The following ALK variants were observed in gnomAD, a reference collection of about 807,000 sequenced individuals.
The protein encoded by ALK is ALK tyrosine kinase receptor.
ALK carries 74 observed loss-of-function variants against 163.1 expected under a neutral mutation model. That is an observed-to-expected ratio of 0.45 (90% CI 0.38 to 0.55). The LOEUF (loss-of-function observed/expected upper bound fraction) is 0.55, where lower values mean the gene tolerates loss of function less well. Among genes scored for constraint, ALK ranks in the 20% least tolerant of loss-of-function variants. ALK has a pLI of 0.00. For synonymous variants in ALK, 960 were observed against 843.2 expected (o/e 1.14, Z -2.40); for missense variants, 2,063 against 2,105.3 (o/e 0.98, Z 0.39).
rs182150296 is a variant in ALK at position 29,277,050 on chromosome 2, A to G, written c.1818-1554T>C. Among the ~76,000 whole-genome samples the G allele has an allele frequency of 1.7e-3, 259 of 152,336 alleles. 2 individuals carry two copies. The highest frequency in any genetic ancestry group is 6.3e-3 in the Admixed American group (96 of 15,304). On this transcript the variant is annotated intron_variant, in intron 9 of 28. Coordinates refer to ENST00000389048, the MANE Select transcript of ALK (RefSeq NM_004304.5). ...GAGGAAGAGAGAGGGAACCCAGGCC[A>G]CAGGGCATTGGCCACATAGGGTGTC...
intron 4 of ALK, among the ~76,000 whole-genome samples, chr2:29,425,956 GA>G: frequency 6.6e-6 from 1 of 152,262 alleles, no homozygotes; most frequent in East Asian, 1.9e-4. Flanking sequence ...GCTGGAGTGA[GA>G]AAAAACCTTC....
chr2:29,431,855 G>C (rs1487764015), intron 4 of ALK, among the ~76,000 whole-genome samples: 1 of 152,074 alleles, frequency 6.6e-6, no homozygotes, highest in Non-Finnish European at 1.5e-5. Context: ...GCACTTTGGG[G>C]ACCCAGATAC....
intron 4 of ALK, among the ~76,000 whole-genome samples, chr2:29,462,930 C>T (rs967812891): frequency 3.4e-4 from 51 of 152,048 alleles, no homozygotes; most frequent in African/African-American, 1.0e-3. Context: ...TAGCCAATAA[C>T]AAGGCACAAG....
chr2:29,524,143 T>C (rs1672891034), intron 4 of ALK, among the ~76,000 whole-genome samples: 1 of 152,190 alleles, frequency 6.6e-6, no homozygotes, highest in Non-Finnish European at 1.5e-5. Flanking sequence ...GAGCTTAGGC[T>C]TTAGAAGAGG....
chr2:29,514,097 C>G (rs1200422555), intron 4 of ALK, among the ~76,000 whole-genome samples: 1 of 117,964 alleles, frequency 8.5e-6, no homozygotes, highest in African/African-American at 3.4e-5. Context: ...TGTGGCGATT[C>G]CTCAGGGATC....
intron 1 of ALK, among the ~76,000 whole-genome samples, chr2:29,727,719 T>A (rs1198122848): frequency 6.6e-6 from 1 of 152,242 alleles, no homozygotes; most frequent in African/African-American, 2.4e-5. Context: ...TAAACTCAGC[T>A]TGTATTAAAA....
chr2:29,316,488 A>G (rs1464684442), intron 8 of ALK, among the ~76,000 whole-genome samples: 89 of 152,272 alleles, frequency 5.8e-4, no homozygotes, highest in African/African-American at 2.1e-3. Flanking sequence ...CTCAAAGGTT[A>G]TTAGAGAAAT....
At chr2:29,585,216 T>A (rs893880130) in intron 3 of ALK, among the ~76,000 whole-genome samples, 3 of 152,338 alleles carry the variant, frequency 2.0e-5, no homozygotes, top group Admixed American at 6.5e-5. Context: ...AATTAAAAAA[T>A]TTTTAACATT....
At chr2:29,529,712 C>G (rs1247577312) in intron 4 of ALK, among the ~76,000 whole-genome samples, 1 of 152,266 alleles carries the variant, frequency 6.6e-6, no homozygotes, top group Admixed American at 6.5e-5. Flanking sequence ...CTTCTACCCT[C>G]ACCACACAGA....
chr2:29,404,100 T>A (rs1019702871), intron 4 of ALK, among the ~76,000 whole-genome samples: 1 of 152,018 alleles, frequency 6.6e-6, no homozygotes, highest in African/African-American at 2.4e-5. Flanking sequence ...GGTTAAGAGT[T>A]TGAGACCAGC....
intron 1 of ALK, among the ~76,000 whole-genome samples, chr2:29,811,073 T>C (rs1664746319): frequency 1.3e-5 from 2 of 152,014 alleles, no homozygotes; most frequent in South Asian, 4.2e-4. Flanking sequence ...TGGTATGTTG[T>C]TATGGCAACC....
intron 1 of ALK, among the ~76,000 whole-genome samples, chr2:29,793,636 A>C (rs891023303): frequency 3.2e-4 from 44 of 136,260 alleles, no homozygotes; most frequent in African/African-American, 1.3e-3. Context: ...TAGTAGGCAT[A>C]AAAAAATTAA....
At chr2:29,531,454 T>C (rs1001364269) in intron 4 of ALK, among the ~76,000 whole-genome samples, 4 of 152,186 alleles carry the variant, frequency 2.6e-5, no homozygotes, top group African/African-American at 9.6e-5. Flanking sequence ...GTAGTATCCA[T>C]GACTAATCCT....
intron 3 of ALK, among the ~76,000 whole-genome samples, chr2:29,605,308 T>A (rs1478848898): frequency 6.6e-6 from 1 of 152,194 alleles, no homozygotes; most frequent in East Asian, 1.9e-4. Context: ...TGCTCGCTAC[T>A]CACCTCCTGC....
At position 29,341,033 on chromosome 2, in the gene ALK, T is replaced by C. The variant is rs144393798; in HGVS notation, c.1283-12552A>G. Among the ~76,000 whole-genome samples the C allele has an allele frequency of 3.5e-3, 531 of 152,332 alleles. 4 individuals are homozygous for C. Among genetic ancestry groups the C allele is most frequent in the African/African-American group, 0.012 (510 of 41,576 alleles). ...AGTGCCTAGAACAACACCTAGCACC[T>C]GGGAATCACAATAAAAGTTTCTTGA... On this transcript the variant is annotated intron_variant, in intron 5 of 28. Transcript: ENST00000389048.
chr2:29,523,858 GTTTTTTTTTTTT>G lies in ALK; in HGVS notation c.1154+8045_1154+8056del, dbSNP rs58587837. ...AGGTCAGAACTGGCAGAAGCTGAAG[GTTTTTTTTTTTT>G]TTTTTTTTTTTTTTTTTTTTTATGC... On this transcript the variant is annotated intron_variant, in intron 4 of 28. Coordinates refer to ENST00000389048, the MANE Select transcript of ALK (RefSeq NM_004304.5). Among the ~76,000 whole-genome samples the G allele has an allele frequency of 1.1e-4, 12 of 110,952 alleles. 1 individual carries two copies. The highest frequency in any genetic ancestry group is 1.4e-4 in the African/African-American group (4 of 28,276). 72.8% of individuals were successfully genotyped at this position (110,952 alleles called of 152,430 possible). A position where few individuals can be genotyped will look rare whatever the true frequency, so the allele number is the denominator to read the frequency against.
intron 3 of ALK, among the ~76,000 whole-genome samples, chr2:29,633,938 G>T (rs1676451614): frequency 6.6e-6 from 1 of 152,022 alleles, no homozygotes; most frequent in African/African-American, 2.4e-5. Context: ...TCCCCCAAAA[G>T]AAATCTCCAG....
chr2:29,758,252 T>A (rs1015710719), intron 1 of ALK, among the ~76,000 whole-genome samples: 11 of 152,070 alleles, frequency 7.2e-5, no homozygotes, highest in African/African-American at 1.2e-4. Flanking sequence ...TCAAGTGATC[T>A]GCCTGCCTCA....
chr2:29,611,748 G>A (rs147432131), intron 3 of ALK, among the ~76,000 whole-genome samples: 4 of 152,120 alleles, frequency 2.6e-5, no homozygotes, highest in Non-Finnish European at 5.9e-5. Context: ...TTGAAGGTGT[G>A]TGGCACTTCC....
Sources: gnomAD v4.1 joint callset for allele counts (sites outside exome capture counted in the v4.1 genomes callset) on GRCh38, gnomAD v4.1.1 for gene constraint, MANE v1.5 for transcripts, NCBI Gene and HGNC (gene_info 2026-07-23, HGNC 2026-07-21) for gene names.